STOX1: variants seen among roughly 807,000 people sequenced by gnomAD.
The protein encoded by STOX1 is storkhead-box protein 1.
Under a neutral mutation model 74.8 loss-of-function variants are expected in STOX1, and 57 were observed. The observed-to-expected ratio is 0.76, with a 90% CI of 0.62 to 0.95. The LOEUF is 0.95. Ranked by LOEUF, STOX1 falls within the 40% of genes least tolerant of loss-of-function variation. STOX1 has a pLI of 0.00. For missense variants in STOX1, 1,010 were observed against 1,117.0 expected, an observed-to-expected ratio of 0.90 and a Z score of 1.37; for synonymous variants, 375 against 401.3, an observed-to-expected ratio of 0.93 and a Z score of 0.78.
At chr10:68,865,675 A>C (rs1003032369) in intron 1 of STOX1, among the ~76,000 whole-genome samples, 8 of 152,084 alleles carry the variant, frequency 5.3e-5, no homozygotes, top group Non-Finnish European at 1.0e-4. Flanking sequence ...CAAAAGGCCA[A>C]TTTTTTGGAA....
At chr10:68,882,432 G>A (rs1840832349) in intron 2 of STOX1, among the ~76,000 whole-genome samples, 1 of 151,630 alleles carries the variant, frequency 6.6e-6, no homozygotes, top group Non-Finnish European at 1.5e-5. Flanking sequence ...ACTTCCCAGA[G>A]GTAATAACTG....
chr10:68,885,611 GA>G lies in STOX1; in HGVS notation c.1816del (p.Arg606AspfsTer11), dbSNP rs765479440. 1.2e-6 allele frequency: 2 copies of G among 1,614,202 alleles called. No homozygotes were observed. Among genetic ancestry groups the G allele is most frequent in the South Asian group, 2.2e-5 (2 of 91,078 alleles). The part of the protein sequence containing the change: ...KCCPFMESML[R>X]YEVYGGENEV... ...GCTGTCCCTTTATGGAAAGCATGTTGAGATATGAAGTGTATGGTGGAGAAAA... is the reference window on the plus strand; with the variant it reads ...GCTGTCCCTTTATGGAAAGCATGTTGGATATGAAGTGTATGGTGGAGAAAA... On this transcript the variant is annotated frameshift_variant, in exon 3 of 4. Transcript: ENST00000298596. LOFTEE classifies it high-confidence loss of function.
intron 1 of STOX1, among the ~76,000 whole-genome samples, chr10:68,831,480 T>C (rs1839410780): frequency 1.3e-5 from 2 of 152,102 alleles, no homozygotes; most frequent in East Asian, 3.9e-4. Flanking sequence ...CCACTGCGCC[T>C]GGCTAGATGT....
chr10:68,827,713 G>A lies in STOX1; in HGVS notation c.90G>A (p.Glu30=). 1 of 895,198 alleles carries A rather than the reference G, an allele frequency of 1.1e-6. No individual in the cohort carries two copies. Among genetic ancestry groups the A allele is most frequent in the Non-Finnish European group, 1.4e-6 (1 of 719,050 alleles). 55.5% of individuals were successfully genotyped at this position (895,198 alleles called of 1,614,324 possible). A position where few individuals can be genotyped will look rare whatever the true frequency, so the allele number is the denominator to read the frequency against. ...EAQKAAGAAE[E]PGGRAVFRAF... ...AGAAGGCGGCGGGGGCCGCGGAGGA[G>A]CCTGGTGGGCGCGCGGTGTTCCGCG... Residue 30 remains glutamate, a synonymous_variant, in exon 1 of 4, where the codon GAG becomes GAA. Coordinates refer to ENST00000298596, the MANE Select transcript of STOX1 (RefSeq NM_152709.5).
At chr10:68,840,495 A>G (rs1839664777) in intron 1 of STOX1, among the ~76,000 whole-genome samples, 1 of 152,146 alleles carries the variant, frequency 6.6e-6, no homozygotes, top group African/African-American at 2.4e-5. Context: ...CTGGGATTAC[A>G]GGCGTGAGCC....
intron 1 of STOX1, among the ~76,000 whole-genome samples, chr10:68,856,438 C>T (rs1324395328): frequency 6.6e-6 from 1 of 152,072 alleles, no homozygotes; most frequent in Non-Finnish European, 1.5e-5. Context: ...AGGACTGTTT[C>T]TGCTGCTCAC....
Position 68,874,351 on chromosome 10 carries a change from G to A in STOX1, c.311-7607G>A, listed in dbSNP as rs545961286. On this transcript the variant is annotated intron_variant, in intron 1 of 3. Coordinates refer to ENST00000298596, the MANE Select transcript of STOX1 (RefSeq NM_152709.5). Reference sequence around the variant, plus strand: ...CTTTGTTCTAAATTTCTTCCTAGTGGACTTGGAGGGAGTCATACCCCTGAG... The same window carrying A: ...CTTTGTTCTAAATTTCTTCCTAGTGAACTTGGAGGGAGTCATACCCCTGAG... Among the ~76,000 whole-genome samples, 6 of 152,132 alleles carry A rather than the reference G, an allele frequency of 3.9e-5. No individual in the cohort carries two copies. The East Asian group carries it at 1.2e-3, about 29-fold the overall frequency.
chr10:68,834,342 G>A (rs574095152), intron 1 of STOX1, among the ~76,000 whole-genome samples: 6 of 152,320 alleles, frequency 3.9e-5, no homozygotes, highest in East Asian at 1.9e-4. Context: ...GGTGCCTGAT[G>A]CTGCAAGAAT....
intron 3 of STOX1, among the ~76,000 whole-genome samples, chr10:68,888,354 G>A (rs568214212): frequency 1.3e-5 from 2 of 151,856 alleles, no homozygotes; most frequent in African/African-American, 2.4e-5. Flanking sequence ...TGCCCGCCTC[G>A]GCCTCCCAAA....
chr10:68,831,525 A>G (rs1238678342), intron 1 of STOX1, among the ~76,000 whole-genome samples: 4 of 152,126 alleles, frequency 2.6e-5, no homozygotes, highest in Admixed American at 1.3e-4. Flanking sequence ...GCATAAAAGC[A>G]TTAGGGTATA....
intron 1 of STOX1, among the ~76,000 whole-genome samples, chr10:68,868,061 G>A (rs73266465): frequency 0.047 from 7,233 of 152,284 alleles, 196 homozygotes; most frequent in Admixed American, 0.065. Context: ...GTAGTTCCAC[G>A]TTCTCCAACC....
chr10:68,867,457 G>T (rs1220515821), intron 1 of STOX1, among the ~76,000 whole-genome samples: 1 of 152,098 alleles, frequency 6.6e-6, no homozygotes, highest in Non-Finnish European at 1.5e-5. Flanking sequence ...TAGAACTGAG[G>T]GTGGTTGCTC....
intron 1 of STOX1, among the ~76,000 whole-genome samples, chr10:68,872,874 T>G (rs1840568867): frequency 1.3e-5 from 2 of 151,928 alleles, no homozygotes; most frequent in Admixed American, 6.6e-5. Flanking sequence ...TTGGTTTTGG[T>G]CTTTTAAAAG....
In STOX1 at chr10:68,885,349, A is replaced by T. The variant is rs764059964; in HGVS notation, c.1553A>T (p.Asp518Val). 36 of 1,614,208 alleles carry T rather than the reference A, an allele frequency of 2.2e-5. No individual in the cohort carries two copies. Among genetic ancestry groups the T allele is most frequent in the Non-Finnish European group, 3.1e-5 (36 of 1,180,022 alleles). Reference protein sequence around the residue: ...SKGHKIQKTSDLKPSQTGPKE... With the variant: ...SKGHKIQKTSVLKPSQTGPKE... ...GGGCACAAAATTCAGAAGACGAGTGATCTGAAACCCAGCCAGACTGGACCA... is the reference window on the plus strand; with the variant it reads ...GGGCACAAAATTCAGAAGACGAGTGTTCTGAAACCCAGCCAGACTGGACCA... Residue 518 changes from aspartate (D) to valine (V), a missense_variant, in exon 3 of 4, where the codon GAT (aspartate) becomes GTT (valine). Coordinates refer to ENST00000298596, the MANE Select transcript of STOX1 (RefSeq NM_152709.5).
At chr10:68,846,486 AT>A (rs556480607) in intron 1 of STOX1, among the ~76,000 whole-genome samples, 37 of 152,216 alleles carry the variant, frequency 2.4e-4, no homozygotes, top group African/African-American at 8.4e-4. Context: ...TGGATGTCCA[AT>A]TCTTCAGGAA....
At position 68,830,159 on chromosome 10, in the gene STOX1, C is replaced by G. The variant is rs188464573; in HGVS notation, c.310+2226C>G. On this transcript the variant is annotated intron_variant, in intron 1 of 3. Transcript: ENST00000298596. ...CATCTGAAATATGTATCACACGTCA[C>G]CTGTTGCTCCCATTCTCTTCTGCCC... is the stretch of plus-strand genomic sequence containing the variant. Among the ~76,000 whole-genome samples the G allele has an allele frequency of 6.5e-3, 991 of 152,128 alleles. 47 individuals are homozygous for G. Among genetic ancestry groups the G allele is most frequent in the Non-Finnish European group, 1.2e-3 (82 of 68,016 alleles).
chr10:68,843,031 A>G (rs1170307033), intron 1 of STOX1, among the ~76,000 whole-genome samples: 1 of 152,024 alleles, frequency 6.6e-6, no homozygotes, highest in African/African-American at 2.4e-5. Context: ...TTACTTATAA[A>G]TTATATTTTT....
chr10:68,886,408 A>C lies in STOX1; in HGVS notation c.2612A>C (p.Gln871Pro). Residue 871 changes from glutamine (Q) to proline (P), a missense_variant, in exon 3 of 4, where the codon CAA becomes CCA. Gln to Pro is a moderately conservative substitution (Grantham distance 76, BLOSUM62 -1). Transcript: ENST00000298596. ...RKASFEAEVI[Q>P]DTIGDTGKKP... Reference sequence around the variant, plus strand: ...GCCAGTTTTGAAGCTGAAGTCATACAAGACACTATTGGTGACACAGGAAAG... The same window carrying C: ...GCCAGTTTTGAAGCTGAAGTCATACCAGACACTATTGGTGACACAGGAAAG... The C allele has an allele frequency of 6.2e-7, 1 of 1,614,228 alleles. No individual in the cohort carries two copies. The highest frequency in any genetic ancestry group is 8.5e-7 in the Non-Finnish European group (1 of 1,180,024).
intron 1 of STOX1, among the ~76,000 whole-genome samples, chr10:68,833,360 G>A (rs1221359226): frequency 2.0e-5 from 3 of 152,070 alleles, no homozygotes; most frequent in Non-Finnish European, 4.4e-5. Flanking sequence ...AAGTACTGGT[G>A]TAGCAGGACA....
Sources: allele counts gnomAD v4.1 joint callset (sites outside exome capture counted in the v4.1 genomes callset), GRCh38; gene constraint gnomAD v4.1.1; transcripts MANE v1.5; gene names NCBI Gene and HGNC (gene_info 2026-07-23, HGNC 2026-07-21).